ZZEF1: variants seen among roughly 807,000 people sequenced by gnomAD.
ZZEF1 encodes zinc finger ZZ-type and EF-hand domain containing 1.
A neutral mutation model predicts 342.8 loss-of-function variants in ZZEF1; 157 were observed. The observed-to-expected ratio is 0.46, with a 90% CI of 0.40 to 0.52. The LOEUF is 0.52. Among genes scored for constraint, ZZEF1 ranks in the 20% least tolerant of loss-of-function variants. The pLI, the probability that ZZEF1 is intolerant of heterozygous loss-of-function variation, is 0.00. For synonymous variants in ZZEF1, 1,505 were observed against 1,429.1 expected, an observed-to-expected ratio of 1.05 and a Z score of -1.20; for missense variants, 3,480 against 3,725.6, an observed-to-expected ratio of 0.93 and a Z score of 1.72.
intron 6 of ZZEF1, among the ~76,000 whole-genome samples, chr17:4,108,200 A>G (rs972991532): frequency 1.3e-5 from 2 of 152,248 alleles, no homozygotes; most frequent in African/African-American, 4.8e-5. Flanking sequence ...TCAAGTGATC[A>G]AAGTTAACAA....
chr17:4,109,643 A>T lies in ZZEF1; in HGVS notation c.1277+10T>A. 1 of 1,613,984 alleles carries T rather than the reference A, an allele frequency of 6.2e-7. No individual in the cohort carries two copies. Among genetic ancestry groups the T allele is most frequent in the Non-Finnish European group, 8.5e-7 (1 of 1,179,902 alleles). ...GTTGAGGGGGCTGGAACATAGAGAG[A>T]ATGACTTACTGAGTATTGTGCAGCA... On this transcript the variant is annotated intron_variant, in intron 6 of 54. Coordinates refer to ENST00000381638, the MANE Select transcript of ZZEF1 (RefSeq NM_015113.4).
At chr17:4,094,234 G>A (rs2057994820) in intron 11 of ZZEF1, among the ~76,000 whole-genome samples, 3 of 152,132 alleles carry the variant, frequency 2.0e-5, no homozygotes, top group Admixed American at 6.5e-5. Context: ...CTCAACCTCC[G>A]GGGCTCAAGG....
Position 4,032,938 on chromosome 17 carries a change from G to C in ZZEF1, c.6649C>G (p.Leu2217Val), listed in dbSNP as rs145845966. 18 of 1,611,584 alleles carry C rather than the reference G, an allele frequency of 1.1e-5. No individual in the cohort carries two copies. The highest frequency in any genetic ancestry group is 1.4e-5 in the Non-Finnish European group (16 of 1,178,910). The change falls in exon 41 of 55, where the codon CTG becomes GTG. Residue 2217 changes from leucine (L) to valine (V), a missense_variant. Transcript: ENST00000381638. Reference sequence around the variant, plus strand: ...AAGGTGGCAATGACATCACGCCACAGTGGGGCACTGTTGAGTGACCGCAGG... The same window carrying C: ...AAGGTGGCAATGACATCACGCCACACTGGGGCACTGTTGAGTGACCGCAGG... Reference protein sequence around the residue: ...EILRSLNSAPLWRDVIATFTD... With the variant: ...EILRSLNSAPVWRDVIATFTD...
intron 6 of ZZEF1, 82 bp downstream of exon 6, chr17:4,109,571 G>A: frequency 1.4e-6 from 2 of 1,449,214 alleles, no homozygotes; most frequent in Non-Finnish European, 1.9e-6. Flanking sequence ...AATGATGGAA[G>A]GCTGCTCAGT....
intron 1 of ZZEF1, among the ~76,000 whole-genome samples, chr17:4,131,895 C>G (rs1014464779): frequency 6.6e-6 from 1 of 151,962 alleles, no homozygotes; most frequent in Non-Finnish European, 1.5e-5. Flanking sequence ...AGAATTGTAG[C>G]GGGAGGACAG....
At chr17:4,108,787 T>C (rs1483056062) in intron 6 of ZZEF1, among the ~76,000 whole-genome samples, 1 of 152,344 alleles carries the variant, frequency 6.6e-6, no homozygotes, top group Non-Finnish European at 1.5e-5. Context: ...TTAGTGAGAA[T>C]ACATGCTACA....
chr17:4,086,680 A>G (rs2057834606), intron 14 of ZZEF1, 25 bp from the exon 15 acceptor site: 1 of 1,612,114 alleles, frequency 6.2e-7, no homozygotes, highest in Admixed American at 1.7e-5. Flanking sequence ...AAAACATCAG[A>G]GAGCAAAAGG....
chr17:4,129,291 T>C (rs1480390984), intron 1 of ZZEF1, among the ~76,000 whole-genome samples: 1 of 152,118 alleles, frequency 6.6e-6, no homozygotes, highest in African/African-American at 2.4e-5. Flanking sequence ...GAGTATAAAT[T>C]AGTTCGATCA....
intron 1 of ZZEF1, among the ~76,000 whole-genome samples, chr17:4,137,356 A>G (rs2058765336): frequency 6.6e-6 from 1 of 152,228 alleles, no homozygotes. Flanking sequence ...CATGCCTGTA[A>G]TCCCAGCACT....
chr17:4,082,657 T>C (rs936223074), intron 16 of ZZEF1, 153 bp from the exon 17 acceptor site: 11 of 682,636 alleles, frequency 1.6e-5, no homozygotes, highest in Admixed American at 5.0e-5. Context: ...TAAAACCCGC[T>C]CAAGTACTAA....
rs185881308 is a variant in ZZEF1 at position 4,102,226 on chromosome 17, C to T, written c.1672+91G>A. ...AAACAACCTAAAATTGAAGACTGCA[C>T]GCCTCAAACATTTCAAAGTCTGGAG... On this transcript the variant is annotated intron_variant, in intron 9 of 54. Coordinates refer to ENST00000381638, the MANE Select transcript of ZZEF1 (RefSeq NM_015113.4). The T allele has an allele frequency of 8.8e-5, 100 of 1,139,006 alleles. No homozygotes were observed. In the African/African-American group the frequency reaches 1.1e-3, roughly 13 times the overall value. 70.6% of individuals were successfully genotyped at this position (1,139,006 alleles called of 1,614,324 possible).
intron 1 of ZZEF1, among the ~76,000 whole-genome samples, chr17:4,135,890 A>T (rs2058739236): frequency 6.6e-6 from 1 of 151,184 alleles, no homozygotes; most frequent in South Asian, 2.1e-4. Context: ...TGATCCAGTA[A>T]AATACATTTT....
chr17:4,035,510 G>C (rs781006659), intron 39 of ZZEF1, among the ~76,000 whole-genome samples: 2 of 152,156 alleles, frequency 1.3e-5, no homozygotes, highest in Non-Finnish European at 2.9e-5. Context: ...AGGTCTGGCA[G>C]AGGAGTCAGA....
Position 4,096,633 on chromosome 17 carries a change from G to A in ZZEF1, c.1740C>T (p.Phe580=), listed in dbSNP as rs758589190. The A allele has an allele frequency of 6.2e-7, 1 of 1,614,066 alleles. No homozygotes were observed. Among genetic ancestry groups the A allele is most frequent in the African/African-American group, 1.3e-5 (1 of 75,028 alleles). Residue 580 remains phenylalanine (F), a synonymous_variant, in exon 10 of 55, where the codon TTC becomes TTT. Coordinates refer to ENST00000381638, the MANE Select transcript of ZZEF1 (RefSeq NM_015113.4). ...CCATAATTCTTATCTGTGTAACTTGGAAGGCAGATTCAGTTCCGGTAGAAA... is the reference window on the plus strand; with the variant it reads ...CCATAATTCTTATCTGTGTAACTTGAAAGGCAGATTCAGTTCCGGTAGAAA... ...TIFSTGTESA[F]QVTQIRIMVR... is the part of the protein sequence containing the mutation.
Position 4,054,061 on chromosome 17 carries a change from G to A in ZZEF1, c.5430C>T (p.Phe1810=), listed in dbSNP as rs866733473. The A allele has an allele frequency of 1.2e-6, 2 of 1,609,530 alleles. No individual in the cohort carries two copies. Among genetic ancestry groups the A allele is most frequent in the African/African-American group, 1.3e-5 (1 of 74,856 alleles). The change falls in exon 34 of 55, where the codon TTC becomes TTT. Residue 1810 remains phenylalanine, a synonymous_variant. Transcript: ENST00000381638. The stretch of plus-strand genomic sequence containing the variant: ...TACCCAGTTCATGAAATTTACCTAG[G>A]AAGCAAGTTTTGCAGAGATCCATGT... ...CSDMDLCKTC[F]LGGVKPEGHG... is the part of the protein sequence containing the mutation.
chr17:4,017,224 A>G lies in ZZEF1; in HGVS notation c.8001+147T>C. ...TAGCCCAATCCTTGGGAGAGGATAC[A>G]GTGACCCTACCTTTGCTGCATTCAC... On this transcript the variant is annotated intron_variant, in intron 48 of 54. Transcript: ENST00000381638. The surrounding 1 kb of genome is among the most constrained non-coding windows in gnomAD (Gnocchi z 5.1). 4 of 1,154,714 alleles carry G rather than the reference A, an allele frequency of 3.5e-6. No individual in the cohort carries two copies. Among genetic ancestry groups the G allele is most frequent in the South Asian group, 3.2e-5 (2 of 63,068 alleles). The allele number at this position is 1,154,714 out of a possible 1,614,324, so 71.5% of individuals were successfully genotyped here. A position where few individuals can be genotyped will look rare whatever the true frequency, so the allele number is the denominator to read the frequency against.
At chr17:4,088,625 C>T in intron 13 of ZZEF1, 53 bp downstream of exon 13, 6 of 1,580,640 alleles carry the variant, frequency 3.8e-6, no homozygotes, top group Non-Finnish European at 5.2e-6. Flanking sequence ...TCTCTGAATA[C>T]TGTCATTCAC....
chr17:4,022,839 G>A lies in ZZEF1; in HGVS notation c.7093-11C>T, dbSNP rs1297225528. Reference sequence around the variant, plus strand: ...CTCAAAACCGTGAGCCTGCCAAGCAGAAGAAGAATGATGTGTGACTGCCTT... The same window carrying A: ...CTCAAAACCGTGAGCCTGCCAAGCAAAAGAAGAATGATGTGTGACTGCCTT... On this transcript the variant is annotated splice_polypyrimidine_tract_variant and intron_variant, in intron 43 of 54. Coordinates refer to ENST00000381638, the MANE Select transcript of ZZEF1 (RefSeq NM_015113.4). The A allele has an allele frequency of 1.2e-6, 2 of 1,613,026 alleles. No individual in the cohort carries two copies. The highest frequency in any genetic ancestry group is 1.7e-5 in the Admixed American group (1 of 59,980).
In ZZEF1 at chr17:4,059,024, T is replaced by C. The variant is rs1188724773; in HGVS notation, c.5003+147A>G. The C allele has an allele frequency of 1.5e-5, 9 of 593,708 alleles. No homozygotes were observed. In the African/African-American group the frequency reaches 1.8e-4, roughly 12 times the overall value. The allele number at this position is 593,708 out of a possible 1,614,324, so 36.8% of individuals were successfully genotyped here. A position where few individuals can be genotyped will look rare whatever the true frequency, so the allele number is the denominator to read the frequency against. ...AAATATACGAATAAGTTAACATTAG[T>C]GATTAGCTCTCTAGGTGGTAACATT... On this transcript the variant is annotated intron_variant, in intron 31 of 54. Transcript: ENST00000381638.
Sources: allele counts gnomAD v4.1 joint callset (sites outside exome capture counted in the v4.1 genomes callset), GRCh38; gene constraint gnomAD v4.1.1; non-coding constraint Gnocchi (gnomAD v3.1); transcripts MANE v1.5; gene names NCBI Gene and HGNC (gene_info 2026-07-23, HGNC 2026-07-21).